The following RHEX variants were observed in gnomAD, a reference collection of about 807,000 sequenced individuals.
The protein encoded by RHEX is regulator of hemoglobinization and erythroid cell expansion, also known as regulator of hemoglobinization and erythroid cell expansion protein.
In RHEX, 18 loss-of-function variants were observed where a neutral mutation model predicts 20.1. That is an observed-to-expected ratio of 0.90 (90% CI 0.62 to 1.33). The LOEUF (loss-of-function observed/expected upper bound fraction) is 1.33, where lower values mean the gene tolerates loss of function less well. RHEX is among the 40% of genes most tolerant of loss of function. RHEX has a pLI of 0.00. For synonymous variants in RHEX, 87 were observed against 77.1 expected (o/e 1.13, Z -0.67); for missense variants, 192 against 214.3 (o/e 0.90, Z 0.65).
At chr1:206,054,795 G>T (rs184790484) in intron 1 of RHEX, among the ~76,000 whole-genome samples, 1 of 152,342 alleles carries the variant, frequency 6.6e-6, no homozygotes, top group South Asian at 2.1e-4. Flanking sequence ...AGCTTATCTG[G>T]TATAAAAATC....
At chr1:206,094,874 T>A (rs1663034841) in intron 1 of RHEX, among the ~76,000 whole-genome samples, 1 of 152,132 alleles carries the variant, frequency 6.6e-6, no homozygotes, top group South Asian at 2.1e-4. Context: ...GGCAATCTAG[T>A]TTTGTATAAA....
intron 1 of RHEX, among the ~76,000 whole-genome samples, chr1:206,082,895 C>A (rs1361192741): frequency 6.6e-6 from 1 of 152,208 alleles, no homozygotes; most frequent in South Asian, 2.1e-4. Context: ...TCCTCCCATT[C>A]TTCTTTCCTC....
intron 1 of RHEX, 27 bp downstream of exon 1, chr1:206,053,292 C>T (rs1553282054): frequency 3.9e-5 from 6 of 152,802 alleles, no homozygotes; most frequent in Non-Finnish European, 8.8e-5. Flanking sequence ...GAACTTGCCC[C>T]ACTCCATCTA....
At chr1:206,054,662 G>A (rs1480117989) in intron 1 of RHEX, among the ~76,000 whole-genome samples, 3 of 152,206 alleles carry the variant, frequency 2.0e-5, no homozygotes, top group African/African-American at 7.2e-5. Context: ...ATTATAAAAG[G>A]TTAAAAAGAG....
chr1:206,076,082 CTTG>C (rs1474591919), intron 1 of RHEX, among the ~76,000 whole-genome samples: 73 of 152,174 alleles, frequency 4.8e-4, no homozygotes, highest in African/African-American at 1.7e-3. Flanking sequence ...GAAGCAAAAA[CTTG>C]TTGTTTTCTG....
chr1:206,075,001 A>G (rs28839927), intron 1 of RHEX, among the ~76,000 whole-genome samples: 2,369 of 152,344 alleles, frequency 0.016, 56 homozygotes, highest in African/African-American at 0.054. Context: ...AACTGTGTGC[A>G]TTACTCACTG....
chr1:206,061,643 C>T (rs1355047595), intron 1 of RHEX: 1 of 152,318 alleles, frequency 6.6e-6, no homozygotes, highest in South Asian at 2.1e-4. Context: ...TGCCTCTAAC[C>T]AGGGTTCTAT....
intron 3 of RHEX, among the ~76,000 whole-genome samples, chr1:206,099,057 G>A (rs1487090957): frequency 1.3e-5 from 2 of 152,164 alleles, no homozygotes; most frequent in African/African-American, 2.4e-5. Context: ...AAGGAGGAAC[G>A]TGTTAGGCAC....
chr1:206,056,520 G>T (rs1228101877), intron 1 of RHEX: 1 of 152,242 alleles, frequency 6.6e-6, no homozygotes, highest in African/African-American at 2.4e-5. Context: ...AGTGTACCAG[G>T]ACTCTAAAAG....
chr1:206,096,587 G>A (rs2102328782), intron 1 of RHEX, among the ~76,000 whole-genome samples: 1 of 152,274 alleles, frequency 6.6e-6, no homozygotes, highest in African/African-American at 2.4e-5. Context: ...ATCTTAGGGG[G>A]GCTTATCCAA....
chr1:206,083,578 G>C (rs575692173), intron 1 of RHEX: 1 of 985,342 alleles, frequency 1.0e-6, no homozygotes. Context: ...GCTGGAGAAG[G>C]GTCGGGGAGA....
intron 1 of RHEX, among the ~76,000 whole-genome samples, chr1:206,076,274 C>T (rs1313753413): frequency 1.3e-5 from 2 of 152,126 alleles, no homozygotes; most frequent in African/African-American, 4.8e-5. Context: ...CCCGCCTCAC[C>T]TTCCAGAGTA....
In RHEX at chr1:206,099,789, C is replaced by G; in HGVS notation, c.247C>G (p.Leu83Val). ...TERDIPMSDS[L>V]YRHDSDTPSD... ...GAGAGACATCCCAATGTCTGATTCC[C>G]TTTACAGGCGTGAGTAAGGGGTTGG... is the stretch of plus-strand genomic sequence containing the variant. The change falls in exon 4 of 6, where the codon CTT becomes GTT. Residue 83 changes from leucine (L) to valine (V), a missense_variant. Transcript: ENST00000331555. 1.2e-6 allele frequency: 2 copies of G among 1,614,010 alleles called. No homozygotes were observed. The highest frequency in any genetic ancestry group is 1.7e-6 in the Non-Finnish European group (2 of 1,179,938).
intron 1 of RHEX, among the ~76,000 whole-genome samples, chr1:206,057,605 A>T (rs1402931509): frequency 4.6e-5 from 7 of 152,264 alleles, no homozygotes; most frequent in African/African-American, 1.7e-4. Context: ...GTATGTGGAC[A>T]CAGAGCTTAT....
At chr1:206,087,930 C>T (rs1202943747) in intron 1 of RHEX, among the ~76,000 whole-genome samples, 3 of 152,126 alleles carry the variant, frequency 2.0e-5, no homozygotes, top group Admixed American at 1.3e-4. Flanking sequence ...TATTTCGAAA[C>T]ATGTTGTACA....
intron 1 of RHEX, among the ~76,000 whole-genome samples, chr1:206,054,521 TA>T (rs201144640): frequency 0.012 from 1,790 of 152,076 alleles, 34 homozygotes; most frequent in African/African-American, 0.041. Context: ...ACGTTAATTA[TA>T]AAGAAAATTC....
chr1:206,056,606 C>CA (rs1209419951), intron 1 of RHEX: 42 of 152,418 alleles, frequency 2.8e-4, no homozygotes, highest in African/African-American at 1.0e-3. Flanking sequence ...TGTTATGACC[C>CA]ATTTTAAGCC....
chr1:206,068,577 G>C (rs1662472314), intron 1 of RHEX, among the ~76,000 whole-genome samples: 1 of 152,106 alleles, frequency 6.6e-6, no homozygotes. Context: ...TGAACTCAGA[G>C]TCGAAGTGAC....
intron 1 of RHEX, among the ~76,000 whole-genome samples, chr1:206,059,050 C>G (rs1352363424): frequency 1.3e-5 from 2 of 152,074 alleles, no homozygotes; most frequent in Non-Finnish European, 2.9e-5. Flanking sequence ...TCCCTCCTGC[C>G]GTAACAGGTG....
Sources: gnomAD v4.1 joint callset for allele counts (sites outside exome capture counted in the v4.1 genomes callset) on GRCh38, gnomAD v4.1.1 for gene constraint, MANE v1.5 for transcripts, NCBI Gene and HGNC (gene_info 2026-07-23, HGNC 2026-07-21) for gene names.